Variants in PSPC1 observed in about 807,000 individuals in gnomAD.
PSPC1 encodes paraspeckle protein 1.
In PSPC1, 14 loss-of-function variants were observed where a neutral mutation model predicts 51.6. That is an observed-to-expected ratio of 0.27 (90% confidence interval 0.18 to 0.42). PSPC1 has a LOEUF of 0.42. PSPC1 is among the 10% of genes least tolerant of loss of function. PSPC1 has a pLI of 1.00. For missense variants in PSPC1, 406 were observed against 701.1 expected, an observed-to-expected ratio of 0.58 and a Z score of 4.75; for synonymous variants, 193 against 231.9, an observed-to-expected ratio of 0.83 and a Z score of 1.53.
At chr13:19,679,994 T>G (rs1180216989) in intron 6 of PSPC1, among the ~76,000 whole-genome samples, 1 of 152,172 alleles carries the variant, frequency 6.6e-6, no homozygotes, top group Non-Finnish European at 1.5e-5. Flanking sequence ...GTTGTCAATA[T>G]TTAATTTCAA....
chr13:19,767,046 T>C (rs1390770584), intron 2 of PSPC1, among the ~76,000 whole-genome samples: 14 of 151,394 alleles, frequency 9.2e-5, no homozygotes, highest in Non-Finnish European at 2.1e-4. Flanking sequence ...TAGTGGCTCA[T>C]GTCTGTAATC....
intron 3 of PSPC1, among the ~76,000 whole-genome samples, chr13:19,755,104 C>T (rs1289592933): frequency 6.6e-6 from 1 of 151,814 alleles, no homozygotes; most frequent in African/African-American, 2.4e-5. Flanking sequence ...CATGGTGGCC[C>T]ACATCTGTAG....
chr13:19,681,724 T>C (rs1877286673), intron 6 of PSPC1, among the ~76,000 whole-genome samples: 2 of 152,208 alleles, frequency 1.3e-5, no homozygotes, highest in African/African-American at 4.8e-5. Context: ...ATTTCCATGT[T>C]ATCTAACATA....
downstream of PSPC1, among the ~76,000 whole-genome samples, chr13:19,673,857 T>TAACA (rs1555224794): frequency 1.3e-5 from 2 of 152,232 alleles, no homozygotes; most frequent in African/African-American, 4.8e-5. Context: ...AGGTTTATTA[T>TAACA]AACATTTAGA....
Position 19,711,121 on chromosome 13 carries a change from G to T in PSPC1, c.1159-1522C>A, listed in dbSNP as rs147502438. 1.3e-3 allele frequency among the ~76,000 whole-genome samples: 194 copies of T among 152,198 alleles called. 2 individuals are homozygous for T. The highest frequency in any genetic ancestry group is 2.3e-3 in the Non-Finnish European group (155 of 68,004). ...CTCGCAATGTGCTGGGATTACAAAC[G>T]TGAACCGCAATGCCCAGCCCTAAAA... On this transcript the variant is annotated intron_variant, in intron 6 of 8. Transcript: ENST00000338910.
At chr13:19,753,885 T>G (rs939733803) in intron 3 of PSPC1, among the ~76,000 whole-genome samples, 4 of 152,110 alleles carry the variant, frequency 2.6e-5, no homozygotes, top group African/African-American at 9.7e-5. Flanking sequence ...GTGGGAAAGA[T>G]TGGGAGAATC....
At chr13:19,724,690 CA>C (rs1236322688) in intron 6 of PSPC1, among the ~76,000 whole-genome samples, 8 of 152,066 alleles carry the variant, frequency 5.3e-5, no homozygotes, top group African/African-American at 1.9e-4. Flanking sequence ...CCATCTCTAC[CA>C]AAAATACAAA....
intron 6 of PSPC1, among the ~76,000 whole-genome samples, chr13:19,724,582 C>G (rs551931290): frequency 6.7e-6 from 1 of 150,330 alleles, no homozygotes; most frequent in African/African-American, 2.5e-5. Context: ...TGGCCGGGTA[C>G]GGTGGCTCAC....
chr13:19,769,384 T>G (rs1888398338), intron 2 of PSPC1, among the ~76,000 whole-genome samples: 1 of 151,822 alleles, frequency 6.6e-6, no homozygotes, highest in Admixed American at 6.6e-5. Flanking sequence ...TGAAACCCCG[T>G]CTCTACTAAA....
chr13:19,740,483 T>G (rs1024007058), intron 5 of PSPC1, among the ~76,000 whole-genome samples: 1 of 152,224 alleles, frequency 6.6e-6, no homozygotes, highest in African/African-American at 2.4e-5. Flanking sequence ...AGCTTCAAAT[T>G]TGTTCACGGT....
At chr13:19,762,705 C>A (rs1334402073) in intron 2 of PSPC1, among the ~76,000 whole-genome samples, 1 of 152,198 alleles carries the variant, frequency 6.6e-6, no homozygotes, top group Admixed American at 6.5e-5. Flanking sequence ...AAATGTGTTT[C>A]TATCTATGGT....
At chr13:19,677,719 C>A (rs1466497078) in intron 7 of PSPC1, 5 of 458,148 alleles carry the variant, frequency 1.1e-5, no homozygotes, top group Non-Finnish European at 2.2e-5. Flanking sequence ...CAGATACGGA[C>A]TGACCTGAAA....
At chr13:19,762,847 C>T (rs1174997219) in intron 2 of PSPC1, among the ~76,000 whole-genome samples, 1 of 152,108 alleles carries the variant, frequency 6.6e-6, no homozygotes, top group African/African-American at 2.4e-5. Flanking sequence ...CACGGTGGCT[C>T]ACAGCTGTAA....
At position 19,749,285 on chromosome 13, in the gene PSPC1, T is replaced by C. The variant is rs566565762; in HGVS notation, c.967+1986A>G. 7.9e-5 allele frequency among the ~76,000 whole-genome samples: 12 copies of C among 151,758 alleles called. No homozygotes were observed. The South Asian group carries it at 1.3e-3, about 16-fold the overall frequency. ...ATTACTTGAACCCCCGAGGTGGAGG[T>C]TGCAGTGAGCTAAGATCACACCAAT... On this transcript the variant is annotated intron_variant, in intron 4 of 8. Transcript: ENST00000338910.
intron 8 of PSPC1, among the ~76,000 whole-genome samples, chr13:19,704,093 A>C (rs1382193805): frequency 6.6e-6 from 1 of 152,290 alleles, no homozygotes; most frequent in Non-Finnish European, 1.5e-5. Flanking sequence ...GGTGATATTT[A>C]AATAAAGTTT....
At chr13:19,687,495 C>T (rs1013019213) in intron 6 of PSPC1, among the ~76,000 whole-genome samples, 1 of 152,182 alleles carries the variant, frequency 6.6e-6, no homozygotes, top group African/African-American at 2.4e-5. Flanking sequence ...TGACAATTCT[C>T]TAGCCAAGAT....
intron 5 of PSPC1, among the ~76,000 whole-genome samples, chr13:19,731,554 C>T (rs977059541): frequency 6.6e-6 from 1 of 152,104 alleles, no homozygotes; most frequent in Admixed American, 6.6e-5. Context: ...GCTGGGACTA[C>T]GGGCACGTGC....
chr13:19,714,065 A>AAT (rs1881787189), intron 6 of PSPC1, among the ~76,000 whole-genome samples: 1 of 152,218 alleles, frequency 6.6e-6, no homozygotes, highest in African/African-American at 2.4e-5. Context: ...TTAAACTATG[A>AAT]ATACCTGGAG....
chr13:19,764,440 G>A (rs919907026), intron 2 of PSPC1, among the ~76,000 whole-genome samples: 3 of 151,816 alleles, frequency 2.0e-5, no homozygotes, highest in Admixed American at 1.3e-4. Flanking sequence ...CATCAACTAC[G>A]TATTTGTGAC....
Sources: gnomAD v4.1 joint callset for allele counts (sites outside exome capture counted in the v4.1 genomes callset) on GRCh38, gnomAD v4.1.1 for gene constraint, MANE v1.5 for transcripts, NCBI Gene and HGNC (gene_info 2026-07-23, HGNC 2026-07-21) for gene names.